The following HERC2 variants were observed in gnomAD, a reference collection of about 807,000 sequenced individuals.
The protein encoded by HERC2 is E3 ubiquitin-protein ligase HERC2.
A neutral mutation model predicts 537.7 loss-of-function variants in HERC2; 102 were observed. That is an observed-to-expected ratio of 0.19 (90% CI 0.16 to 0.22). The LOEUF (loss-of-function observed/expected upper bound fraction) is 0.22, where lower values mean the gene tolerates loss of function less well. Ranked by LOEUF, HERC2 falls within the 10% of genes least tolerant of loss-of-function variation. The probability of loss-of-function intolerance (pLI) is 1.00; values close to 1 mark genes in which losing one functional copy is unlikely to be tolerated. For synonymous variants in HERC2, 2,224 were observed against 2,466.2 expected, an observed-to-expected ratio of 0.90 and a Z score of 2.91; for missense variants, 4,236 against 6,198.2, an observed-to-expected ratio of 0.68 and a Z score of 10.63.
chr15:28,251,447 G>GA (rs553500786), intron 20 of HERC2, among the ~76,000 whole-genome samples: 61 of 145,958 alleles, frequency 4.2e-4, no homozygotes, highest in South Asian at 2.7e-3. Flanking sequence ...CATCTCGGGG[G>GA]AAAAAAATTG....
At chr15:28,138,260 C>T (rs1414006899) in intron 78 of HERC2, among the ~76,000 whole-genome samples, 3 of 152,138 alleles carry the variant, frequency 2.0e-5, no homozygotes, top group Admixed American at 1.3e-4. Flanking sequence ...AAGGTGGCTA[C>T]GCTAAACAAC....
chr15:28,121,894 G>A (rs1325347196), intron 85 of HERC2, among the ~76,000 whole-genome samples: 1 of 149,526 alleles, frequency 6.7e-6, no homozygotes, highest in Non-Finnish European at 1.5e-5. Context: ...ACCTTGGATC[G>A]CCACTGCCTG....
chr15:28,132,948 A>G (rs1890255545), intron 79 of HERC2, 118 bp from the exon 80 acceptor site: 1 of 881,204 alleles, frequency 1.1e-6, no homozygotes, highest in Admixed American at 3.8e-5. Flanking sequence ...ATCAATCAAG[A>G]AGAATCATTC....
Position 28,270,817 on chromosome 15 carries a change from G to A in HERC2, c.1135C>T (p.Leu379Phe). ...ATGGCAAGCTCGTTGTCTTGTGGAA[G>A]GGTGAGGTACCTCAGGAAACTCTCA... ...PNESFLRYLT[L>F]PQDNELAIDL... Residue 379 changes from leucine (L) to phenylalanine (F), a missense_variant, in exon 10 of 93, where the codon CTT (leucine) becomes TTT (phenylalanine). Coordinates refer to ENST00000261609, the MANE Select transcript of HERC2 (RefSeq NM_004667.6). 6.2e-7 allele frequency: 1 copy of A among 1,613,922 alleles called. No homozygotes were observed. Among genetic ancestry groups the A allele is most frequent in the Non-Finnish European group, 8.5e-7 (1 of 1,179,836 alleles).
chr15:28,124,041 C>G lies in HERC2; in HGVS notation c.13184G>C (p.Gly4395Ala). Residue 4395 changes from glycine (G) to alanine (A), a missense_variant, in exon 85 of 93, where the codon GGA (glycine) becomes GCA (alanine). Physicochemically the swap from Gly to Ala is moderately conservative, Grantham distance 60 (BLOSUM62 0). Coordinates refer to ENST00000261609, the MANE Select transcript of HERC2 (RefSeq NM_004667.6). ...CAAAGATTGCCACTTGAATACCTTT[C>G]CCTGGGATATCAGAATTCCTCGGAG... ...DTLRGILISQ[G>A]KEAAFRKVVQ... 6.3e-7 allele frequency: 1 copy of G among 1,582,948 alleles called. No homozygotes were observed.
At chr15:28,307,013 T>C (rs1196416560) in intron 2 of HERC2, among the ~76,000 whole-genome samples, 2 of 152,304 alleles carry the variant, frequency 1.3e-5, no homozygotes, top group East Asian at 3.9e-4. Context: ...TTTTGTATTT[T>C]TAGTAGAGTT....
At chr15:28,219,524 G>A (rs762409019) in intron 37 of HERC2, among the ~76,000 whole-genome samples, 10 of 152,198 alleles carry the variant, frequency 6.6e-5, no homozygotes, top group Non-Finnish European at 1.3e-4. Context: ...GCTCCTAACA[G>A]GCCTACGCAG....
chr15:28,188,955 G>A (rs990144586), intron 55 of HERC2, among the ~76,000 whole-genome samples: 1 of 152,058 alleles, frequency 6.6e-6, no homozygotes, highest in African/African-American at 2.4e-5. Context: ...GGGTGAGGTG[G>A]TGGGCACCTG....
intron 2 of HERC2, among the ~76,000 whole-genome samples, chr15:28,305,040 T>G (rs1476472192): frequency 9.4e-5 from 14 of 149,410 alleles, no homozygotes; most frequent in African/African-American, 3.5e-4. Context: ...ACAAAGGACA[T>G]GAACTCATCA....
chr15:28,185,127 T>TAC (rs1488702831), intron 56 of HERC2, among the ~76,000 whole-genome samples: 2 of 151,684 alleles, frequency 1.3e-5, no homozygotes, highest in Non-Finnish European at 2.9e-5. Context: ...TTTCAACTTC[T>TAC]ACACAAAGTT....
chr15:28,222,240 C>A, intron 35 of HERC2, 25 bp from the exon 36 acceptor site: 2 of 1,506,684 alleles, frequency 1.3e-6, no homozygotes, highest in Non-Finnish European at 1.8e-6. Context: ...AAAACAATAG[C>A]TGAGCCAACA....
chr15:28,317,387 C>A (rs1596474644), intron 2 of HERC2, among the ~76,000 whole-genome samples: 1 of 152,198 alleles, frequency 6.6e-6, no homozygotes, highest in South Asian at 2.1e-4. Context: ...CCGCGCCCAG[C>A]CGAAGTGACA....
intron 70 of HERC2, 141 bp from the exon 71 acceptor site, chr15:28,146,485 A>G (rs143505356): frequency 3.4e-4 from 221 of 644,896 alleles, no homozygotes; most frequent in African/African-American, 3.3e-3. Flanking sequence ...AGCATCTCAG[A>G]CTGACCACTC....
rs1900198518 is a variant in HERC2 at position 28,218,733 on chromosome 15, A to G, written c.5846-62T>C. ...AAGTAAAACTGGAAGATAGTCCTGC[A>G]TATAATTCAACAGCTTTAATATTAC... On this transcript the variant is annotated intron_variant, in intron 37 of 92. Transcript: ENST00000261609. 3.7e-6 allele frequency: 5 copies of G among 1,359,160 alleles called. No individual in the cohort carries two copies. In the Admixed American group the frequency reaches 8.4e-5, roughly 23 times the overall value. The allele number at this position is 1,359,160 out of a possible 1,614,324, so 84.2% of individuals were successfully genotyped here. A position where few individuals can be genotyped will look rare whatever the true frequency, so the allele number is the denominator to read the frequency against.
At chr15:28,315,415 G>C (rs1233174457) in intron 2 of HERC2, among the ~76,000 whole-genome samples, 1 of 152,274 alleles carries the variant, frequency 6.6e-6, no homozygotes, top group Non-Finnish European at 1.5e-5. Context: ...GAGGGACAGA[G>C]AGAGGCGGCT....
intron 5 of HERC2, among the ~76,000 whole-genome samples, chr15:28,279,652 A>ACACACACACACACACAC (rs1174428481): frequency 8.7e-6 from 1 of 114,604 alleles, no homozygotes; most frequent in African/African-American, 5.2e-5. Flanking sequence ...CACACACACA[A>ACACACACACACACACAC]ATTGTTTTTA....
Position 28,249,492 on chromosome 15 carries a change from C to T in HERC2, c.3051-756G>A, listed in dbSNP as rs530731202. Among the ~76,000 whole-genome samples, 186 of 152,262 alleles carry T rather than the reference C, an allele frequency of 1.2e-3. 1 individual carries two copies. The highest frequency in any genetic ancestry group is 4.3e-3 in the African/African-American group (177 of 41,542). ...GGAGAGCAGTGAATGTTTCTGGTTC[C>T]TCAGCAGAACACCAAGAAACAAGGG... On this transcript the variant is annotated intron_variant, in intron 20 of 92. Coordinates refer to ENST00000261609, the MANE Select transcript of HERC2 (RefSeq NM_004667.6).
At position 28,223,224 on chromosome 15, in the gene HERC2, C is replaced by T. The variant is rs182921540; in HGVS notation, c.5465-1009G>A. On this transcript the variant is annotated intron_variant, in intron 35 of 92. Coordinates refer to ENST00000261609, the MANE Select transcript of HERC2 (RefSeq NM_004667.6). ...GATTTGAAAATAGGAGCGCTAACCCCAGGAGAGTAGGCTAGATTTTTAACC... is the reference window on the plus strand; with the variant it reads ...GATTTGAAAATAGGAGCGCTAACCCTAGGAGAGTAGGCTAGATTTTTAACC... 3.4e-3 allele frequency among the ~76,000 whole-genome samples: 512 copies of T among 152,010 alleles called. 3 individuals are homozygous for T. The highest frequency in any genetic ancestry group is 9.9e-3 in the African/African-American group (409 of 41,372).
rs1333343982 is a variant in HERC2, at chr15:28,204,521, G to A, written c.7212+1719C>T. 5.3e-5 allele frequency among the ~76,000 whole-genome samples: 8 copies of A among 151,706 alleles called. No homozygotes were observed. The East Asian group carries it at 1.6e-3, about 29-fold the overall frequency. On this transcript the variant is annotated intron_variant, in intron 45 of 92. Transcript: ENST00000261609. ...TGTAGTCCTAGCTACTCGGGAGGCT[G>A]AGGCAGGAGAATCACTTGAACCCAA...
Sources: gnomAD v4.1 joint callset for allele counts (sites outside exome capture counted in the v4.1 genomes callset) on GRCh38, gnomAD v4.1.1 for gene constraint, MANE v1.5 for transcripts, NCBI Gene and HGNC (gene_info 2026-07-23, HGNC 2026-07-21) for gene names.